The following MCM7 variants were observed in gnomAD, a reference collection of about 807,000 sequenced individuals.
The protein encoded by MCM7 is minichromosome maintenance complex component 7.
In MCM7, 95 loss-of-function variants were observed where a neutral mutation model predicts 83.5. The observed-to-expected ratio is 1.14, with a 90% CI of 0.96 to 1.35. MCM7 has a LOEUF of 1.35. Among genes scored for constraint, MCM7 ranks in the 40% most tolerant of loss-of-function variants. The pLI, the probability that MCM7 is intolerant of heterozygous loss-of-function variation, is 0.00. For synonymous variants in MCM7, 461 were observed against 352.7 expected, an observed-to-expected ratio of 1.31 and a Z score of -3.44; for missense variants, 1,087 against 957.4, an observed-to-expected ratio of 1.14 and a Z score of -1.79.
chr7:100,098,074 G>GTAGAA (rs1795739010), intron 7 of MCM7, 67 bp downstream of exon 7: 3 of 1,591,240 alleles, frequency 1.9e-6, no homozygotes, highest in Non-Finnish European at 2.6e-6. Flanking sequence ...TCTTTTCTCT[G>GTAGAA]TGTGGGTAGA....
At position 100,092,953 on chromosome 7, in the gene MCM7, C is replaced by G. The variant is rs201970401; in HGVS notation, c.2139G>C (p.Arg713=). Residue 713 remains arginine (R), a synonymous_variant, in exon 15 of 15, where the codon CGG becomes CGC. Coordinates refer to ENST00000303887, the MANE Select transcript of MCM7 (RefSeq NM_005916.5). ...GGAATCAGACAAAAGTGATCCGTGT[C>G]CGGGAAGCATTGACCTGCCAGACAT... ...ELNVWQVNAS[R]TRITFV 7.4e-6 allele frequency: 12 copies of G among 1,614,214 alleles called. No individual in the cohort carries two copies. In the East Asian group the frequency reaches 2.7e-4, roughly 36 times the overall value.
chr7:100,094,634 T>C (rs896200639), intron 12 of MCM7, among the ~76,000 whole-genome samples: 3 of 152,138 alleles, frequency 2.0e-5, no homozygotes, highest in Non-Finnish European at 4.4e-5. Flanking sequence ...AGACCCCTCC[T>C]CTGAGCGCAT....
chr7:100,098,826 G>C (rs1446583716), intron 5 of MCM7, 111 bp from the exon 6 acceptor site: 1 of 1,442,754 alleles, frequency 6.9e-7, no homozygotes, highest in Non-Finnish European at 9.5e-7. Flanking sequence ...TAAGTGTCAA[G>C]AACCCTCTGA....
At position 100,092,876 on chromosome 7, in the gene MCM7, C is replaced by T. The variant is rs1199422007; in HGVS notation, c.*56G>A. On this transcript the variant is annotated 3_prime_UTR_variant, in exon 15 of 15. Transcript: ENST00000303887. ...CCCTCAAAGGCATCACTGCCCCTTC[C>T]CAAGGGGCAGGCCAGCAGGGAACAA... 40 of 1,588,528 alleles carry T rather than the reference C, an allele frequency of 2.5e-5. 1 individual carries two copies. Among genetic ancestry groups the T allele is most frequent in the East Asian group, 6.7e-5 (3 of 44,756 alleles).
chr7:100,100,366 G>C, intron 1 of MCM7: 1 of 1,110,412 alleles, frequency 9.0e-7, no homozygotes, highest in Non-Finnish European at 1.1e-6. Context: ...GCCCTTCCCC[G>C]TTGGCCCCTC....
intron 13 of MCM7, chr7:100,093,945 G>A (rs1279244091): frequency 8.3e-6 from 6 of 719,576 alleles, no homozygotes; most frequent in African/African-American, 6.9e-5. Flanking sequence ...CTCAGTGAAG[G>A]TTAAGAAGTG....
rs753317834 is a variant in MCM7 at position 100,095,424 on chromosome 7, G to A, written c.1642C>T (p.Pro548Ser). The stretch of plus-strand genomic sequence containing the variant: ...ATGTCCAGAGGTTCAAACTGGGAGG[G>A]GGGCTGCCGGCTGTGCTGGTGCACA... Reference protein sequence around the residue: ...TYVHQHSRQPPSQFEPLDMKL... With the variant: ...TYVHQHSRQPSSQFEPLDMKL... Residue 548 changes from proline to serine, a missense_variant, in exon 12 of 15, where the codon CCC becomes TCC. Pro to Ser is a moderately conservative substitution (Grantham distance 74, BLOSUM62 -1). Coordinates refer to ENST00000303887, the MANE Select transcript of MCM7 (RefSeq NM_005916.5). 2 of 1,613,946 alleles carry A rather than the reference G, an allele frequency of 1.2e-6. No individual in the cohort carries two copies. The highest frequency in any genetic ancestry group is 1.7e-6 in the Non-Finnish European group (2 of 1,180,026).
At chr7:100,100,453 G>A (rs910152004) in intron 1 of MCM7, 1 of 1,000,378 alleles carries the variant, frequency 1.0e-6, no homozygotes, top group Admixed American at 5.9e-5. Context: ...CTTAGCCCCT[G>A]ATTTCACCGG....
At chr7:100,098,791 T>C in intron 5 of MCM7, 76 bp from the exon 6 acceptor site, 1 of 1,572,344 alleles carries the variant, frequency 6.4e-7, no homozygotes, top group Non-Finnish European at 8.7e-7. Context: ...TTGAATCACA[T>C]TTTCTCTTCA....
chr7:100,097,415 C>T (rs753319025), intron 9 of MCM7, 31 bp from the exon 10 acceptor site: 1 of 1,609,768 alleles, frequency 6.2e-7, no homozygotes, highest in Admixed American at 1.7e-5. Context: ...CCTGGAATGA[C>T]TCTTCTCCCA....
At position 100,099,719 on chromosome 7, in the gene MCM7, TAC is replaced by T. The variant is rs751700181; in HGVS notation, c.144_145del (p.Tyr49CysfsTer10). ...CTCGGCTACGTCGTCCAGGTCCACA[TAC>T]AGAGCCACCTGTTCCCGATGAGCCA... On this transcript the variant is annotated frameshift_variant, in exon 3 of 15. Coordinates refer to ENST00000303887, the MANE Select transcript of MCM7 (RefSeq NM_005916.5). LOFTEE classifies it high-confidence loss of function. 11 of 1,614,006 alleles carry T rather than the reference TAC, an allele frequency of 6.8e-6. No homozygotes were observed. Among genetic ancestry groups the T allele is most frequent in the Non-Finnish European group, 9.3e-6 (11 of 1,180,024 alleles).
At chr7:100,093,195 A>C in intron 14 of MCM7, 62 bp from the exon 15 acceptor site, 1 of 1,598,268 alleles carries the variant, frequency 6.3e-7, no homozygotes, top group Admixed American at 1.7e-5. Flanking sequence ...ACATCAACAG[A>C]GAACAATGGT....
At chr7:100,100,869 A>C in intron 1 of MCM7, 2 of 1,032,248 alleles carry the variant, frequency 1.9e-6, no homozygotes, top group Non-Finnish European at 1.2e-6. Context: ...CCCGGGGCCT[A>C]CGCGCGCCTG....
At chr7:100,093,516 A>G (rs1562891598) in intron 13 of MCM7, 115 bp from the exon 14 acceptor site, 1 of 934,994 alleles carries the variant, frequency 1.1e-6, no homozygotes, top group Admixed American at 1.7e-5. Flanking sequence ...CCTACTCACA[A>G]AACAGGAGTG....
Position 100,096,171 on chromosome 7 carries a change from G to C in MCM7, c.1202-4C>G. ...CCCCGGCCTGTTGTGTACTGGCCTGGAAGAGAAGAAATAAGGAACCATGAG... is the reference window on the plus strand; with the variant it reads ...CCCCGGCCTGTTGTGTACTGGCCTGCAAGAGAAGAAATAAGGAACCATGAG... On this transcript the variant is annotated splice_region_variant and splice_polypyrimidine_tract_variant and intron_variant, in intron 10 of 14. Transcript: ENST00000303887. 6.4e-7 allele frequency: 1 copy of C among 1,557,558 alleles called. No homozygotes were observed. The highest frequency in any genetic ancestry group is 8.7e-7 in the Non-Finnish European group (1 of 1,153,476).
intron 13 of MCM7, 91 bp downstream of exon 13, chr7:100,094,082 C>CGGGAGGTG (rs1562892391): frequency 6.6e-7 from 1 of 1,506,804 alleles, no homozygotes; most frequent in Middle Eastern, 1.7e-4. Flanking sequence ...AGGGCTGGAG[C>CGGGAGGTG]GGGAGGTGGG....
intron 10 of MCM7, among the ~76,000 whole-genome samples, chr7:100,096,489 A>C (rs1025854993): frequency 2.6e-5 from 4 of 152,214 alleles, no homozygotes; most frequent in Admixed American, 2.0e-4. Context: ...TTTTTAGTAG[A>C]GGCCGGGCGC....
At position 100,095,865 on chromosome 7, in the gene MCM7, C is replaced by T. The variant is rs1795603510; in HGVS notation, c.1504G>A (p.Glu502Lys). 6.2e-7 allele frequency: 1 copy of T among 1,613,272 alleles called. No individual in the cohort carries two copies. The highest frequency in any genetic ancestry group is 1.7e-5 in the Admixed American group (1 of 60,000). Residue 502 changes from glutamate (E) to lysine (K), a missense_variant, in exon 11 of 15, where the codon GAG becomes AAG. Physicochemically the swap from Glu to Lys is moderately conservative, Grantham distance 56. Transcript: ENST00000303887. ...GCAGCAGGTAGCTGTATGTTCTGCT[C>T]CAGGCTGCGGCGAGGGTTGTAGCGC... is the stretch of plus-strand genomic sequence containing the variant. ...YGRYNPRRSL[E>K]QNIQLPAALL...
chr7:100,097,042 A>G (rs1167796931), intron 10 of MCM7, among the ~76,000 whole-genome samples: 1 of 152,210 alleles, frequency 6.6e-6, no homozygotes, highest in East Asian at 1.9e-4. Context: ...TGGAGCTTGC[A>G]GTGAACCGAG....
Sources: allele counts gnomAD v4.1 joint callset (sites outside exome capture counted in the v4.1 genomes callset), GRCh38; gene constraint gnomAD v4.1.1; transcripts MANE v1.5; gene names NCBI Gene and HGNC (gene_info 2026-07-23, HGNC 2026-07-21).